RNGTT: variants seen among roughly 807,000 people sequenced by gnomAD.
RNGTT encodes mRNA-capping enzyme.
Under a neutral mutation model 79.3 loss-of-function variants are expected in RNGTT, and 33 were observed. The observed-to-expected ratio is 0.42, with a 90% confidence interval of 0.32 to 0.56. RNGTT has a LOEUF of 0.56. Among genes scored for constraint, RNGTT ranks in the 20% least tolerant of loss-of-function variants. The probability of loss-of-function intolerance (pLI) is 0.17; values close to 1 mark genes in which losing one functional copy is unlikely to be tolerated. For synonymous variants in RNGTT, 222 were observed against 235.9 expected, an observed-to-expected ratio of 0.94 and a Z score of 0.54; for missense variants, 497 against 739.1, an observed-to-expected ratio of 0.67 and a Z score of 3.80.
intron 8 of RNGTT, among the ~76,000 whole-genome samples, chr6:88,864,407 C>T (rs918090189): frequency 2.6e-5 from 4 of 151,990 alleles, no homozygotes; most frequent in Admixed American, 6.6e-5. Flanking sequence ...GTACTACATA[C>T]CATTAATTAC....
chr6:88,923,500 A>T (rs1205196037), intron 4 of RNGTT, among the ~76,000 whole-genome samples: 1 of 152,208 alleles, frequency 6.6e-6, no homozygotes, highest in African/African-American at 2.4e-5. Flanking sequence ...CTTGACACTA[A>T]CAGACATTAT....
intron 14 of RNGTT, among the ~76,000 whole-genome samples, chr6:88,669,444 C>T (rs544762143): frequency 7.9e-5 from 12 of 152,110 alleles, no homozygotes; most frequent in Non-Finnish European, 1.8e-4. Context: ...TCTTAAAAAC[C>T]TCAATTATTG....
At chr6:88,647,715 A>G (rs74726929) in intron 14 of RNGTT, among the ~76,000 whole-genome samples, 43 of 142,492 alleles carry the variant, frequency 3.0e-4, no homozygotes, top group Non-Finnish European at 4.4e-4. Context: ...AAAAAAAAAA[A>G]AAGAAGAAGA....
At chr6:88,864,535 TCTTA>T (rs1324027990) in intron 8 of RNGTT, among the ~76,000 whole-genome samples, 1 of 152,084 alleles carries the variant, frequency 6.6e-6, no homozygotes, top group Non-Finnish European at 1.5e-5. Context: ...CCATACCAGC[TCTTA>T]CTAATTATGT....
chr6:88,724,824 G>A (rs1290925319), intron 13 of RNGTT, among the ~76,000 whole-genome samples: 4 of 152,050 alleles, frequency 2.6e-5, no homozygotes, highest in African/African-American at 9.7e-5. Context: ...TACCTGCTCT[G>A]TCATAACCAT....
rs560411902 is a variant in RNGTT, at chr6:88,657,804, G to A, written c.1506+20549C>T. Among the ~76,000 whole-genome samples the A allele has an allele frequency of 7.2e-5, 11 of 152,244 alleles. No homozygotes were observed. In the East Asian group the frequency reaches 1.7e-3, roughly 24 times the overall value. On this transcript the variant is annotated intron_variant, in intron 14 of 15. Transcript: ENST00000369485. The stretch of plus-strand genomic sequence containing the variant: ...ACTGCCAGCTTTCCCCACTTGCCTG[G>A]TGACCTGTATGATGCAGCAGAGGCA...
chr6:88,949,016 T>C (rs1412304396), intron 1 of RNGTT, among the ~76,000 whole-genome samples: 1 of 115,146 alleles, frequency 8.7e-6, no homozygotes, highest in Non-Finnish European at 1.8e-5. Flanking sequence ...CCAGAGACCT[T>C]TGTTCACTTG....
chr6:88,703,926 GC>G (rs1776029636), intron 13 of RNGTT, among the ~76,000 whole-genome samples: 3 of 152,028 alleles, frequency 2.0e-5, no homozygotes, highest in Admixed American at 2.0e-4. Flanking sequence ...TTGTACATAG[GC>G]AAACTTGCAT....
intron 13 of RNGTT, among the ~76,000 whole-genome samples, chr6:88,738,869 C>CACACACA (rs1777373840): frequency 6.7e-6 from 1 of 150,292 alleles, no homozygotes. Flanking sequence ...CACACACACA[C>CACACACA]CCCTTCCAAA....
At chr6:88,650,833 G>T (rs72921567) in intron 14 of RNGTT, among the ~76,000 whole-genome samples, 33 of 152,256 alleles carry the variant, frequency 2.2e-4, no homozygotes, top group Non-Finnish European at 4.7e-4. Flanking sequence ...AACAAGTAGG[G>T]CTGACCCTTC....
At chr6:88,784,402 G>A (rs1359998630) in intron 12 of RNGTT, among the ~76,000 whole-genome samples, 1 of 152,116 alleles carries the variant, frequency 6.6e-6, no homozygotes, top group Non-Finnish European at 1.5e-5. Flanking sequence ...GGAATACTGT[G>A]GAGGCACAGG....
At chr6:88,750,519 C>T (rs1197661517) in intron 13 of RNGTT, among the ~76,000 whole-genome samples, 3 of 152,106 alleles carry the variant, frequency 2.0e-5, no homozygotes, top group Non-Finnish European at 4.4e-5. Context: ...AATATGTTGA[C>T]AGTCTCTATC....
intron 11 of RNGTT, among the ~76,000 whole-genome samples, chr6:88,834,375 T>C (rs988139517): frequency 6.6e-6 from 1 of 152,196 alleles, no homozygotes; most frequent in Non-Finnish European, 1.5e-5. Flanking sequence ...ATTGAAAGGA[T>C]CCATCAGGCC....
intron 13 of RNGTT, among the ~76,000 whole-genome samples, chr6:88,746,932 G>A (rs1012753236): frequency 6.6e-6 from 1 of 152,194 alleles, no homozygotes; most frequent in Non-Finnish European, 1.5e-5. Context: ...ATCAGGTGAT[G>A]GGTGAAGTCT....
chr6:88,832,558 G>A (rs1780907485), intron 11 of RNGTT, among the ~76,000 whole-genome samples: 1 of 151,944 alleles, frequency 6.6e-6, no homozygotes, highest in Non-Finnish European at 1.5e-5. Context: ...CAAAAGCAAT[G>A]GAAATAAAAG....
At chr6:88,831,063 AG>A (rs1780846018) in intron 11 of RNGTT, among the ~76,000 whole-genome samples, 1 of 152,210 alleles carries the variant, frequency 6.6e-6, no homozygotes, top group South Asian at 2.1e-4. Flanking sequence ...ACAGAAAAAG[AG>A]GGGCTCCAAC....
rs540089571 is a variant in RNGTT, at chr6:88,760,939, G to C, written c.1439+8835C>G. Among the ~76,000 whole-genome samples, 71 of 148,638 alleles carry C rather than the reference G, an allele frequency of 4.8e-4. No individual in the cohort carries two copies. In the South Asian group the frequency reaches 0.015, roughly 31 times the overall value. ...GCACAGGCTGGATTCAAACTCCTAG[G>C]GCTCAAGCAATCCTCCTGCCTCAGC... On this transcript the variant is annotated intron_variant, in intron 13 of 15. Transcript: ENST00000369485.
chr6:88,828,354 A>G (rs929575028), intron 11 of RNGTT, among the ~76,000 whole-genome samples: 3 of 152,174 alleles, frequency 2.0e-5, no homozygotes, highest in Middle Eastern at 3.2e-3. Flanking sequence ...CAACATCAAC[A>G]AAAGGACAGC....
chr6:88,944,162 T>C (rs1784935893), intron 1 of RNGTT, among the ~76,000 whole-genome samples: 1 of 152,270 alleles, frequency 6.6e-6, no homozygotes, highest in South Asian at 2.1e-4. Context: ...GCTAATTGTG[T>C]ATGTTTACCA....
Sources: gnomAD v4.1 joint callset for allele counts (sites outside exome capture counted in the v4.1 genomes callset) on GRCh38, gnomAD v4.1.1 for gene constraint, MANE v1.5 for transcripts, NCBI Gene and HGNC (gene_info 2026-07-23, HGNC 2026-07-21) for gene names.